PSG7: variants seen among roughly 807,000 people sequenced by gnomAD.
PSG7 encodes pregnancy specific beta-1-glycoprotein 7, also known as pregnancy-specific beta-1-glycoprotein 7.
PSG7 carries 57 observed loss-of-function variants against 45.6 expected under a neutral mutation model. The ratio of observed to expected loss-of-function variants is 1.25; its 90% CI spans 1.01 to 1.56. The LOEUF is 1.56. Among genes scored for constraint, PSG7 ranks in the 40% most tolerant of loss-of-function variants. The pLI, the probability that PSG7 is intolerant of heterozygous loss-of-function variation, is 0.00. For missense variants in PSG7, 796 were observed against 508.4 expected (o/e 1.57, Z -5.44); for synonymous variants, 298 against 194.4 (o/e 1.53, Z -4.43).
At position 42,936,015 on chromosome 19, in the gene PSG7, C is replaced by G. The variant is rs1191192751; in HGVS notation, c.65-246G>C. 17 of 731,386 alleles carry G rather than the reference C, an allele frequency of 2.3e-5. No individual in the cohort carries two copies. In the Middle Eastern group the frequency reaches 1.7e-3, roughly 73 times the overall value. The allele number at this position is 731,386 out of a possible 1,614,324, so 45.3% of individuals were successfully genotyped here. A position where few individuals can be genotyped will look rare whatever the true frequency, so the allele number is the denominator to read the frequency against. On this transcript the variant is annotated intron_variant, in intron 1 of 5. Coordinates refer to ENST00000406070, the MANE Select transcript of PSG7 (RefSeq NM_002783.3). ...CAGCATGACCCCCATTCCTTCAACACTCCTGACTTTGGCATTTTTCTGTTT... is the reference window on the plus strand; with the variant it reads ...CAGCATGACCCCCATTCCTTCAACAGTCCTGACTTTGGCATTTTTCTGTTT...
chr19:42,929,554 G>C lies in PSG7; in HGVS notation c.597C>G (p.Asn199Lys), dbSNP rs1972970144. 1 of 1,612,492 alleles carries C rather than the reference G, an allele frequency of 6.2e-7. No individual in the cohort carries two copies. Among genetic ancestry groups the C allele is most frequent in the South Asian group, 1.1e-5 (1 of 90,846 alleles). ...MTHSLQLSET[N>K]RTLYLFGVTN... Reference sequence around the variant, plus strand: ...TGACACCAAATAGGTAGAGGGTCCTGTTGGTTTCAGACAGCTGCAAGCTGT... The same window carrying C: ...TGACACCAAATAGGTAGAGGGTCCTCTTGGTTTCAGACAGCTGCAAGCTGT... The change falls in exon 3 of 6, where the codon AAC (asparagine) becomes AAG (lysine). Residue 199 changes from asparagine (N) to lysine (K), a missense_variant. By Grantham distance (94) the Asn-to-Lys change is moderately conservative. Transcript: ENST00000406070.
intron 5 of PSG7, chr19:42,925,040 C>G: frequency 1.7e-6 from 1 of 580,746 alleles, no homozygotes; most frequent in Non-Finnish European, 3.0e-6. Flanking sequence ...TAGCAATGGA[C>G]TATGTAGGCT....
intron 2 of PSG7, among the ~76,000 whole-genome samples, chr19:42,935,078 A>G (rs1204557756): frequency 1.3e-5 from 2 of 151,618 alleles, no homozygotes; most frequent in East Asian, 1.9e-4. Context: ...GCCAAGCCCT[A>G]CTCAGTTTTC....
At chr19:42,934,119 C>T (rs1207026704) in intron 2 of PSG7, among the ~76,000 whole-genome samples, 1 of 151,434 alleles carries the variant, frequency 6.6e-6, no homozygotes, top group Non-Finnish European at 1.5e-5. Context: ...AGGTCCTCTC[C>T]TTGATCCTCT....
In PSG7 at chr19:42,926,001, G is replaced by T. The variant is rs765266278; in HGVS notation, c.1015C>A (p.Pro339Thr). Reference protein sequence around the residue: ...LYGPDLPRIYPSFTYYHSGQN... With the variant: ...LYGPDLPRIYTSFTYYHSGQN... ...CCTGAATGGTAATAGGTGAATGAAG[G>T]GTAAATTCTGGGGAGGTCTGGACCA... The change falls in exon 5 of 6, where the codon CCT (proline) becomes ACT (threonine). Residue 339 changes from proline (P) to threonine (T), a missense_variant. By Grantham distance (38) the Pro-to-Thr change is conservative. Coordinates refer to ENST00000406070, the MANE Select transcript of PSG7 (RefSeq NM_002783.3). 6.2e-7 allele frequency: 1 copy of T among 1,612,046 alleles called. No homozygotes were observed. Among genetic ancestry groups the T allele is most frequent in the Non-Finnish European group, 8.5e-7 (1 of 1,179,086 alleles).
rs1972869403 is a variant in PSG7, at chr19:42,925,814, G to A, written c.1202C>T (p.Thr401Ile). 2 of 1,611,970 alleles carry A rather than the reference G, an allele frequency of 1.2e-6. No individual in the cohort carries two copies. The highest frequency in any genetic ancestry group is 2.7e-5 in the African/African-American group (2 of 74,656). ...LYACSVRNSA[T>I]GKESSKSVTV... ...CACGGATTTGGAGCTTTCCTTGCCA[G>A]TGGCTGAGTTACGAACAGAGCAAGC... The change falls in exon 5 of 6, where the codon ACT becomes ATT. Residue 401 changes from threonine (T) to isoleucine (I), a missense_variant. Coordinates refer to ENST00000406070, the MANE Select transcript of PSG7 (RefSeq NM_002783.3).
rs1286126631 is a variant in PSG7, at chr19:42,931,945, C to A, written c.431-2225G>T. Among the ~76,000 whole-genome samples, 6 of 151,564 alleles carry A rather than the reference C, an allele frequency of 4.0e-5. 1 individual carries two copies. The highest frequency in any genetic ancestry group is 1.5e-4 in the African/African-American group (6 of 41,204). ...TTTCAGTTTTGGAAGTTTCTATTGA[C>A]ACATTCTCAAGCTAGGTATTCTTTC... is the stretch of plus-strand genomic sequence containing the variant. On this transcript the variant is annotated intron_variant, in intron 2 of 5. Coordinates refer to ENST00000406070, the MANE Select transcript of PSG7 (RefSeq NM_002783.3).
intron 2 of PSG7, among the ~76,000 whole-genome samples, chr19:42,934,278 G>C (rs149394115): frequency 2.0e-5 from 3 of 151,362 alleles, no homozygotes; most frequent in South Asian, 2.1e-4. Context: ...GACTAATCAG[G>C]TGACCACTTG....
chr19:42,925,754 G>C lies in PSG7; in HGVS notation c.1243+19C>G, dbSNP rs1403646751. 6 of 1,611,708 alleles carry C rather than the reference G, an allele frequency of 3.7e-6. No individual in the cohort carries two copies. The highest frequency in any genetic ancestry group is 1.3e-5 in the African/African-American group (1 of 74,608). ...CTGCACCTAAAACCCTATTGCCAAG[G>C]ATGCTGGGATCCACTTACCAGAGAC... On this transcript the variant is annotated intron_variant, in intron 5 of 5. Transcript: ENST00000406070.
chr19:42,934,898 T>C (rs1471911430), intron 2 of PSG7, among the ~76,000 whole-genome samples: 1 of 151,616 alleles, frequency 6.6e-6, no homozygotes, highest in Non-Finnish European at 1.5e-5. Flanking sequence ...GGAGACACAG[T>C]CCTCAGACAG....
Position 42,937,073 on chromosome 19 carries a change from C to A in PSG7, c.4G>T (p.Gly2Trp). The A allele has an allele frequency of 6.2e-7, 1 of 1,611,216 alleles. No individual in the cohort carries two copies. Among genetic ancestry groups the A allele is most frequent in the South Asian group, 1.1e-5 (1 of 90,780 alleles). MGPLSAPPCTQH... is the reference protein window; with the variant it reads MWPLSAPPCTQH... ...GTGCAGGGAGGGGCTGAGAGGGGCC[C>A]CATGGTCTCTGCTCCCTGCGTGTTC... The change falls in exon 1 of 6, where the codon GGG (glycine) becomes TGG (tryptophan). Residue 2 changes from glycine (G) to tryptophan (W), a missense_variant. By Grantham distance (184) the Gly-to-Trp change is radical. Transcript: ENST00000406070.
At chr19:42,925,726 A>G in intron 5 of PSG7, 47 bp downstream of exon 5, 1 of 1,610,624 alleles carries the variant, frequency 6.2e-7, no homozygotes, top group Non-Finnish European at 8.5e-7. Flanking sequence ...AAAGTCAGAT[A>G]GACTGCACCT....
chr19:42,933,294 TATATATA>T (rs1348652331), intron 2 of PSG7, among the ~76,000 whole-genome samples: 17 of 15,216 alleles, frequency 1.1e-3, no homozygotes, highest in South Asian at 0.01. Context: ...TATATATATA[TATATATA>T]TATATATTTT....
intron 3 of PSG7, among the ~76,000 whole-genome samples, chr19:42,928,065 T>C (rs535719326): frequency 2.0e-5 from 3 of 151,446 alleles, no homozygotes; most frequent in African/African-American, 7.3e-5. Context: ...AAGCCAAAGA[T>C]ATTCTTGCCC....
At position 42,925,974 on chromosome 19, in the gene PSG7, G is replaced by T; in HGVS notation, c.1042C>A (p.Gln348Lys). The change falls in exon 5 of 6, where the codon CAA becomes AAA. Residue 348 changes from glutamine to lysine, a missense_variant. Coordinates refer to ENST00000406070, the MANE Select transcript of PSG7 (RefSeq NM_002783.3). ...YPSFTYYHSG[Q>K]NLYLSCFADS... ...GCAAAGCAGGACAAGTAGAGGTTTT[G>T]TCCTGAATGGTAATAGGTGAATGAA... 1.2e-6 allele frequency: 2 copies of T among 1,612,126 alleles called. No homozygotes were observed. Among genetic ancestry groups the T allele is most frequent in the Non-Finnish European group, 8.5e-7 (1 of 1,179,106 alleles).
At chr19:42,935,910 ACACAAACACAC>A in intron 1 of PSG7, 141 bp from the exon 2 acceptor site, 1 of 1,228,522 alleles carries the variant, frequency 8.1e-7, no homozygotes, top group Non-Finnish European at 1.1e-6. Flanking sequence ...ACACACACAC[ACACAAACACAC>A]ACACACACAT....
chr19:42,933,287 ATATATATATATATATATATATTT>A (rs1221150701), intron 2 of PSG7, among the ~76,000 whole-genome samples: 3 of 9,580 alleles, frequency 3.1e-4, no homozygotes, highest in Admixed American at 1.1e-3. Context: ...ATATATATAT[ATATATATATATATATATATATTT>A]TTTTTTTTTT....
intron 2 of PSG7, among the ~76,000 whole-genome samples, chr19:42,934,579 C>G (rs1973104605): frequency 6.6e-6 from 1 of 151,686 alleles, no homozygotes; most frequent in African/African-American, 2.4e-5. Context: ...TCACAGTCAC[C>G]TGACCTAATG....
chr19:42,927,794 G>A (rs1362337559), intron 3 of PSG7, among the ~76,000 whole-genome samples: 1 of 151,558 alleles, frequency 6.6e-6, no homozygotes, highest in Non-Finnish European at 1.5e-5. Flanking sequence ...GTTCATGGGT[G>A]GGCAGTTTCT....
Sources: allele counts gnomAD v4.1 joint callset (sites outside exome capture counted in the v4.1 genomes callset), GRCh38; gene constraint gnomAD v4.1.1; transcripts MANE v1.5; gene names NCBI Gene and HGNC (gene_info 2026-07-23, HGNC 2026-07-21).